The following ROBO2 variants were observed in gnomAD, a reference collection of about 807,000 sequenced individuals.
The protein encoded by ROBO2 is roundabout homolog 2.
ROBO2 carries 53 observed loss-of-function variants against 160.8 expected under a neutral mutation model. The observed-to-expected ratio is 0.33, with a 90% CI of 0.26 to 0.41. The LOEUF (loss-of-function observed/expected upper bound fraction) is 0.41, where lower values mean the gene tolerates loss of function less well. ROBO2 is among the 10% of genes least tolerant of loss of function. ROBO2 has a pLI of 1.00. For missense variants in ROBO2, 1,577 were observed against 1,722.4 expected (o/e 0.92, Z 1.49); for synonymous variants, 664 against 611.7 (o/e 1.09, Z -1.26).
At chr3:77,034,095 T>C (rs1167861921) in intron 2 of ROBO2, among the ~76,000 whole-genome samples, 1 of 151,826 alleles carries the variant, frequency 6.6e-6, no homozygotes, top group Non-Finnish European at 1.5e-5. Flanking sequence ...CTTGTTGCTA[T>C]CATTCTTTTT....
chr3:77,515,489 C>T (rs919217006), intron 5 of ROBO2, among the ~76,000 whole-genome samples: 1 of 151,702 alleles, frequency 6.6e-6, no homozygotes, highest in Non-Finnish European at 1.5e-5. Context: ...ACACACACAA[C>T]TACAAATTTA....
At chr3:76,054,246 T>G (rs556823781) in intron 2 of ROBO2, among the ~76,000 whole-genome samples, 88 of 152,178 alleles carry the variant, frequency 5.8e-4, no homozygotes, top group Non-Finnish European at 9.9e-4. Context: ...TTGTATACAA[T>G]ATTGTGTAAT....
chr3:76,955,637 A>C (rs2079200714), intron 2 of ROBO2, among the ~76,000 whole-genome samples: 1 of 152,192 alleles, frequency 6.6e-6, no homozygotes, highest in Non-Finnish European at 1.5e-5. Flanking sequence ...TTACTGGCCA[A>C]CATTCAGGAA....
intron 2 of ROBO2, among the ~76,000 whole-genome samples, chr3:76,795,664 A>T (rs2063642757): frequency 6.6e-6 from 1 of 152,202 alleles, no homozygotes; most frequent in South Asian, 2.1e-4. Flanking sequence ...TCAGTCTTAA[A>T]CTTCTCAAAC....
At chr3:76,189,843 G>T (rs1002012589) in intron 2 of ROBO2, among the ~76,000 whole-genome samples, 1 of 151,986 alleles carries the variant, frequency 6.6e-6, no homozygotes, top group Non-Finnish European at 1.5e-5. Flanking sequence ...GGTGTGTTTT[G>T]TTTCTATATG....
intron 2 of ROBO2, among the ~76,000 whole-genome samples, chr3:77,451,441 T>A (rs988848634): frequency 3.3e-5 from 5 of 152,138 alleles, no homozygotes; most frequent in African/African-American, 1.2e-4. Context: ...TACCTTTGGC[T>A]TAATGTCCTC....
chr3:76,686,151 G>A (rs2092681132), intron 2 of ROBO2, among the ~76,000 whole-genome samples: 1 of 152,014 alleles, frequency 6.6e-6, no homozygotes. Flanking sequence ...TAACCTATTT[G>A]CCATAATCAA....
chr3:76,824,978 A>G (rs1421192784), intron 2 of ROBO2, among the ~76,000 whole-genome samples: 2 of 152,198 alleles, frequency 1.3e-5, no homozygotes, highest in Non-Finnish European at 2.9e-5. Context: ...CCAGCTTAGG[A>G]GCTCATGAAA....
At chr3:77,610,849 CTCTTT>C (rs1334464739) in intron 21 of ROBO2, among the ~76,000 whole-genome samples, 1 of 151,762 alleles carries the variant, frequency 6.6e-6, no homozygotes, top group Non-Finnish European at 1.5e-5. Flanking sequence ...AAACCCCACC[CTCTTT>C]TCTTTAAGGT....
intron 2 of ROBO2, among the ~76,000 whole-genome samples, chr3:76,748,564 CATAAT>C (rs1214476827): frequency 6.6e-6 from 1 of 151,320 alleles, no homozygotes; most frequent in Admixed American, 6.6e-5. Flanking sequence ...GGAAAAACAA[CATAAT>C]ATATTTTGAT....
intron 16 of ROBO2, among the ~76,000 whole-genome samples, chr3:77,583,544 G>T (rs1411674359): frequency 6.6e-6 from 1 of 151,832 alleles, no homozygotes; most frequent in Non-Finnish European, 1.5e-5. Context: ...ATTTCCCTCT[G>T]ATGTTTTCCA....
chr3:77,304,218 ATAT>A (rs1380953057), intron 2 of ROBO2, among the ~76,000 whole-genome samples: 2 of 152,218 alleles, frequency 1.3e-5, no homozygotes, highest in Non-Finnish European at 2.9e-5. Flanking sequence ...TATCGCTGTC[ATAT>A]TGTTGTTTTG....
intron 2 of ROBO2, among the ~76,000 whole-genome samples, chr3:77,307,777 G>T (rs951540714): frequency 6.6e-6 from 1 of 152,214 alleles, no homozygotes; most frequent in African/African-American, 2.4e-5. Flanking sequence ...CAGCTACTCG[G>T]GAGGCTAAGG....
At chr3:77,518,199 T>C (rs1043438371) in intron 5 of ROBO2, among the ~76,000 whole-genome samples, 6 of 151,460 alleles carry the variant, frequency 4.0e-5, no homozygotes, top group Non-Finnish European at 7.4e-5. Context: ...AGACCCCTTG[T>C]CACAGGAGCA....
At chr3:77,048,474 A>C (rs1167979457) in intron 1 of ROBO2, among the ~76,000 whole-genome samples, 3 of 152,220 alleles carry the variant, frequency 2.0e-5, no homozygotes, top group Non-Finnish European at 4.4e-5. Flanking sequence ...TTTGTTAGCA[A>C]GTAGACCATG....
intron 2 of ROBO2, among the ~76,000 whole-genome samples, chr3:76,789,970 A>G (rs2063249982): frequency 1.3e-5 from 2 of 151,668 alleles, no homozygotes. Flanking sequence ...CATATAAACC[A>G]TTTATCTCTA....
chr3:77,515,834 T>C (rs1189199599), intron 5 of ROBO2, among the ~76,000 whole-genome samples: 2 of 151,706 alleles, frequency 1.3e-5, no homozygotes, highest in Non-Finnish European at 2.9e-5. Flanking sequence ...TCCAGGGCAC[T>C]GGATAACAAA....
At chr3:76,332,140 C>A (rs1019259105) in intron 2 of ROBO2, among the ~76,000 whole-genome samples, 1 of 152,104 alleles carries the variant, frequency 6.6e-6, no homozygotes, top group Non-Finnish European at 1.5e-5. Context: ...AATGGCAAGG[C>A]TAGAAGTCAC....
chr3:77,055,056 G>A (rs1370876501), intron 1 of ROBO2, among the ~76,000 whole-genome samples: 1 of 150,818 alleles, frequency 6.6e-6, no homozygotes, highest in Non-Finnish European at 1.5e-5. Flanking sequence ...AATAAGTAGA[G>A]AAACACTCAT....
Sources: gnomAD v4.1 joint callset for allele counts (sites outside exome capture counted in the v4.1 genomes callset) on GRCh38, gnomAD v4.1.1 for gene constraint, MANE v1.5 for transcripts, NCBI Gene and HGNC (gene_info 2026-07-23, HGNC 2026-07-21) for gene names.